Variants in BNC2 observed in about 807,000 individuals in gnomAD.
BNC2 encodes the protein basonuclin zinc finger protein 2.
A neutral mutation model predicts 76.3 loss-of-function variants in BNC2; 20 were observed. That is an observed-to-expected ratio of 0.26 (90% CI 0.18 to 0.38). BNC2 has a LOEUF of 0.38. Among genes scored for constraint, BNC2 ranks in the 10% least tolerant of loss-of-function variants. The pLI is 1.00. For missense variants in BNC2, 1,382 were observed against 1,399.8 expected (o/e 0.99, Z 0.20); for synonymous variants, 582 against 514.8 (o/e 1.13, Z -1.77).
chr9:16,769,368 A>G (rs1053367888), intron 1 of BNC2, among the ~76,000 whole-genome samples: 2 of 152,200 alleles, frequency 1.3e-5, no homozygotes, highest in Admixed American at 6.5e-5. Context: ...TACTCCTCAC[A>G]ACAACAGGTT....
intron 3 of BNC2, among the ~76,000 whole-genome samples, chr9:16,673,893 G>C (rs1822559588): frequency 6.6e-6 from 1 of 152,156 alleles, no homozygotes; most frequent in Admixed American, 6.5e-5. Context: ...AAAATGAAGT[G>C]ACTGTTATAA....
chr9:16,418,955 G>C lies in BNC2; in HGVS notation c.*34C>G. ...GCAGTTCAAACACGTAGGCCATCTGGTGAGAGCTGGCATTTGTAGTGTCCA... is the reference window on the plus strand; with the variant it reads ...GCAGTTCAAACACGTAGGCCATCTGCTGAGAGCTGGCATTTGTAGTGTCCA... On this transcript the variant is annotated 3_prime_UTR_variant, in exon 7 of 7. Transcript: ENST00000380672. 6.2e-7 allele frequency: 1 copy of C among 1,609,826 alleles called. No homozygotes were observed. Among genetic ancestry groups the C allele is most frequent in the Non-Finnish European group, 8.5e-7 (1 of 1,176,312 alleles).
At chr9:16,432,304 A>C (rs1321281941) in intron 6 of BNC2, among the ~76,000 whole-genome samples, 1 of 152,236 alleles carries the variant, frequency 6.6e-6, no homozygotes, top group Non-Finnish European at 1.5e-5. Context: ...TTACACAAAG[A>C]GCATTCTTGC....
chr9:16,813,796 G>A (rs1037337460), intron 1 of BNC2, among the ~76,000 whole-genome samples: 1 of 152,082 alleles, frequency 6.6e-6, no homozygotes, highest in African/African-American at 2.4e-5. Context: ...TTTTTCACTT[G>A]GTTGGTTTTT....
chr9:16,693,925 G>T (rs1355457449), intron 3 of BNC2, among the ~76,000 whole-genome samples: 2 of 152,176 alleles, frequency 1.3e-5, no homozygotes, highest in Non-Finnish European at 2.9e-5. Flanking sequence ...TCAGCCATTG[G>T]GTTTGCTCCA....
At chr9:16,647,886 T>C (rs1181261442) in intron 3 of BNC2, among the ~76,000 whole-genome samples, 1 of 152,170 alleles carries the variant, frequency 6.6e-6, no homozygotes, top group African/African-American at 2.4e-5. Context: ...CCATGAACTA[T>C]ATTTCTAATC....
intron 5 of BNC2, among the ~76,000 whole-genome samples, chr9:16,475,123 G>A (rs1023802704): frequency 2.6e-5 from 4 of 152,160 alleles, no homozygotes; most frequent in Admixed American, 6.5e-5. Context: ...CTTTACTCTC[G>A]TGAAAATAGC....
At chr9:16,640,721 AC>A (rs1361991217) in intron 3 of BNC2, among the ~76,000 whole-genome samples, 13 of 152,164 alleles carry the variant, frequency 8.5e-5, no homozygotes, top group African/African-American at 3.1e-4. Flanking sequence ...CTTCAGAAAT[AC>A]CCCAACAGGA....
At chr9:16,513,041 A>T (rs1231423501) in intron 5 of BNC2, among the ~76,000 whole-genome samples, 1 of 152,110 alleles carries the variant, frequency 6.6e-6, no homozygotes, top group Non-Finnish European at 1.5e-5. Flanking sequence ...AGGCTGAGAC[A>T]TGAGAATCGC....
chr9:16,785,568 T>A (rs1826266483), intron 1 of BNC2, among the ~76,000 whole-genome samples: 1 of 151,168 alleles, frequency 6.6e-6, no homozygotes, highest in Admixed American at 6.6e-5. Context: ...CTTTTTTTTT[T>A]TTTTTTTTTA....
chr9:16,525,397 A>G (rs756541812), intron 5 of BNC2, among the ~76,000 whole-genome samples: 1 of 152,234 alleles, frequency 6.6e-6, no homozygotes, highest in Non-Finnish European at 1.5e-5. Context: ...AAAAGGTGCT[A>G]AAAATGAAAC....
At chr9:16,544,509 T>G (rs1344993803) in intron 5 of BNC2, among the ~76,000 whole-genome samples, 1 of 152,064 alleles carries the variant, frequency 6.6e-6, no homozygotes, top group East Asian at 1.9e-4. Flanking sequence ...AAAATGACAG[T>G]GTCATATATA....
At chr9:16,677,331 G>A (rs1822673445) in intron 3 of BNC2, among the ~76,000 whole-genome samples, 2 of 152,142 alleles carry the variant, frequency 1.3e-5, no homozygotes, top group African/African-American at 4.8e-5. Context: ...CCAGCACTTT[G>A]GGTGGCTGAG....
intron 3 of BNC2, among the ~76,000 whole-genome samples, chr9:16,673,607 T>C (rs1163466618): frequency 6.6e-6 from 1 of 152,100 alleles, no homozygotes; most frequent in African/African-American, 2.4e-5. Flanking sequence ...TCACATTAAT[T>C]GTATTATTAC....
At chr9:16,570,406 C>T (rs1347300117) in intron 4 of BNC2, among the ~76,000 whole-genome samples, 2 of 152,108 alleles carry the variant, frequency 1.3e-5, no homozygotes, top group Admixed American at 1.3e-4. Context: ...CTGTTTTCCC[C>T]ACTGTAATCC....
chr9:16,859,824 A>T (rs1819352435), intron 1 of BNC2, among the ~76,000 whole-genome samples: 1 of 152,274 alleles, frequency 6.6e-6, no homozygotes, highest in Admixed American at 6.5e-5. Context: ...TGTACACTTA[A>T]AAATGGTTAA....
chr9:16,707,204 C>A (rs1417611265), intron 3 of BNC2, among the ~76,000 whole-genome samples: 1 of 147,254 alleles, frequency 6.8e-6, no homozygotes. Context: ...TCCGCCCCCC[C>A]GCCAAAAAAA....
Position 16,436,887 on chromosome 9 carries a change from G to C in BNC2, c.1307C>G (p.Ser436Cys). The change falls in exon 6 of 7, where the codon TCT becomes TGT. Residue 436 changes from serine (S) to cysteine (C), a missense_variant. Transcript: ENST00000380672. Reference protein sequence around the residue: ...IHRMRRMGSASRKGRVFCNAC... With the variant: ...IHRMRRMGSACRKGRVFCNAC... ...ATTACAGAACACTCTTCCTTTCCTA[G>C]AGGCTGACCCCATCCTTCTCATCCG... The C allele has an allele frequency of 6.2e-7, 1 of 1,614,046 alleles. No individual in the cohort carries two copies. The highest frequency in any genetic ancestry group is 8.5e-7 in the Non-Finnish European group (1 of 1,180,024).
chr9:16,553,116 C>G (rs538369536), intron 4 of BNC2, among the ~76,000 whole-genome samples: 1 of 152,184 alleles, frequency 6.6e-6, no homozygotes, highest in African/African-American at 2.4e-5. Context: ...GTGTTTCAAC[C>G]CGAGTGACGA....
Sources: allele counts gnomAD v4.1 joint callset (sites outside exome capture counted in the v4.1 genomes callset), GRCh38; gene constraint gnomAD v4.1.1; transcripts MANE v1.5; gene names NCBI Gene and HGNC (gene_info 2026-07-23, HGNC 2026-07-21).